Variants in RBFOX3 observed in about 807,000 individuals in gnomAD.
RBFOX3 encodes the protein RNA binding protein fox-1 homolog 3.
Under a neutral mutation model 48.7 loss-of-function variants are expected in RBFOX3, and 17 were observed. The observed-to-expected ratio is 0.35, with a 90% confidence interval of 0.24 to 0.52. The LOEUF (loss-of-function observed/expected upper bound fraction) is 0.52. RBFOX3 is among the 20% of genes least tolerant of loss of function. The probability of loss-of-function intolerance (pLI) is 0.94; values close to 1 mark genes in which losing one functional copy is unlikely to be tolerated. For missense variants in RBFOX3, 382 were observed against 497.5 expected, an observed-to-expected ratio of 0.77 and a Z score of 2.21; for synonymous variants, 212 against 209.5, an observed-to-expected ratio of 1.01 and a Z score of -0.10.
At chr17:79,126,535 T>C (rs1363278839) in intron 4 of RBFOX3, among the ~76,000 whole-genome samples, 1 of 152,186 alleles carries the variant, frequency 6.6e-6, no homozygotes, top group East Asian at 1.9e-4. Context: ...GGTGACCTCA[T>C]TACTCTGACC....
At chr17:79,156,142 A>G (rs1473250935) in intron 4 of RBFOX3, among the ~76,000 whole-genome samples, 1 of 152,116 alleles carries the variant, frequency 6.6e-6, no homozygotes, top group Non-Finnish European at 1.5e-5. Flanking sequence ...GGGAAGGAGG[A>G]TGCGCCCGCC....
chr17:79,227,213 GC>G (rs2060409842), intron 4 of RBFOX3, among the ~76,000 whole-genome samples: 1 of 152,212 alleles, frequency 6.6e-6, no homozygotes, highest in Admixed American at 6.5e-5. Context: ...GTCCCCAGAG[GC>G]GAATTCCAGC....
At chr17:79,633,695 G>C in the RBFOX3 span, among the ~76,000 whole-genome samples, 1 of 151,978 alleles carries the variant, frequency 6.6e-6, no homozygotes, top group Non-Finnish European at 1.5e-5. Context: ...TCAATAAACC[G>C]AGGGCCAGGT....
At chr17:79,353,695 C>T (rs547396339) in intron 2 of RBFOX3, among the ~76,000 whole-genome samples, 73 of 152,310 alleles carry the variant, frequency 4.8e-4, no homozygotes, top group African/African-American at 1.6e-3. Flanking sequence ...GGGCCTGGAG[C>T]TCACATGACC....
chr17:79,559,377 T>C (rs1363926951), intron 1 of RBFOX3, among the ~76,000 whole-genome samples: 6 of 148,596 alleles, frequency 4.0e-5, no homozygotes, highest in Admixed American at 1.3e-4. Flanking sequence ...GATGGATGAT[T>C]GGATGGATGG....
Position 79,391,861 on chromosome 17 carries a change from T to TAA in RBFOX3, c.-174-84039_-174-84038dup, listed in dbSNP as rs34292350. On this transcript the variant is annotated intron_variant, in intron 2 of 14. Coordinates refer to ENST00000693108, the MANE Select transcript of RBFOX3 (RefSeq NM_001350451.2). This position sits in a 1 kb window ranked among gnomAD's most constrained non-coding sequence, Gnocchi z 5.0. ...TCTGATCCTCGGTTTCCGAATCTGTTAAAAAAAAAAGGCTCCAGGCTGGAC... is the reference window on the plus strand; with the variant it reads ...TCTGATCCTCGGTTTCCGAATCTGTTAAAAAAAAAAAAGGCTCCAGGCTGGAC... Among the ~76,000 whole-genome samples, 20 of 148,014 alleles carry TAA rather than the reference T, an allele frequency of 1.4e-4. No individual in the cohort carries two copies. Among genetic ancestry groups the TAA allele is most frequent in the South Asian group, 2.1e-4 (1 of 4,678 alleles).
At chr17:79,098,349 G>A (rs992291058) in intron 9 of RBFOX3, 1 of 153,808 alleles carries the variant, frequency 6.5e-6, no homozygotes, top group African/African-American at 2.4e-5. Context: ...GAGGAGGAAA[G>A]GGCATTTGGA....
At chr17:79,399,228 C>G (rs1297112705) in intron 2 of RBFOX3, among the ~76,000 whole-genome samples, 1 of 152,184 alleles carries the variant, frequency 6.6e-6, no homozygotes, top group Non-Finnish European at 1.5e-5. Context: ...TGTTTCCAGC[C>G]ACCCAGTCCG....
intron 3 of RBFOX3, among the ~76,000 whole-genome samples, chr17:79,279,070 A>G (rs1239671286): frequency 6.6e-6 from 1 of 152,050 alleles, no homozygotes; most frequent in Non-Finnish European, 1.5e-5. Flanking sequence ...TCCAATTACT[A>G]GTGGCAGAGC....
At chr17:79,201,098 A>C (rs1465663653) in intron 4 of RBFOX3, among the ~76,000 whole-genome samples, 1 of 146,714 alleles carries the variant, frequency 6.8e-6, no homozygotes, top group East Asian at 2.0e-4. Context: ...TCTTAACAAC[A>C]ACAACGACAA....
chr17:79,594,325 G>A (rs79099468), intron 1 of RBFOX3, among the ~76,000 whole-genome samples: 15,826 of 152,218 alleles, frequency 0.1, 969 homozygotes, highest in Non-Finnish European at 0.14. Context: ...GGCACTCTGC[G>A]GGGCAGCAGG....
intron 1 of RBFOX3, among the ~76,000 whole-genome samples, chr17:79,540,440 G>A (rs2089515502): frequency 6.6e-6 from 1 of 152,236 alleles, no homozygotes. Flanking sequence ...TCCTTAAGGT[G>A]CATGGCGTCC....
intron 4 of RBFOX3, among the ~76,000 whole-genome samples, chr17:79,218,547 G>T (rs1291434718): frequency 6.6e-6 from 1 of 152,164 alleles, no homozygotes; most frequent in African/African-American, 2.4e-5. Context: ...GGGGAGTTCT[G>T]GGAGGAAGAC....
chr17:79,323,861 T>A (rs900627279), intron 2 of RBFOX3, among the ~76,000 whole-genome samples: 1 of 152,232 alleles, frequency 6.6e-6, no homozygotes. Context: ...AGACCAATTG[T>A]TTGGGCAGAT....
chr17:79,306,605 C>T (rs1406695247), intron 3 of RBFOX3, among the ~76,000 whole-genome samples: 1 of 152,218 alleles, frequency 6.6e-6, no homozygotes, highest in Admixed American at 6.5e-5. Context: ...ATCCCGAGGC[C>T]ACTTCCTCCC....
At chr17:79,533,757 G>T (rs1449559019) in intron 1 of RBFOX3, among the ~76,000 whole-genome samples, 1 of 152,200 alleles carries the variant, frequency 6.6e-6, no homozygotes, top group Non-Finnish European at 1.5e-5. Flanking sequence ...AAGATCCGTG[G>T]TATCACTTTT....
At chr17:79,140,878 C>A (rs958408230) in intron 4 of RBFOX3, among the ~76,000 whole-genome samples, 1 of 152,170 alleles carries the variant, frequency 6.6e-6, no homozygotes, top group Non-Finnish European at 1.5e-5. Context: ...GAGCCAGATG[C>A]CATGCTGAGG....
chr17:79,492,863 G>C (rs2080894353), intron 1 of RBFOX3, among the ~76,000 whole-genome samples: 11 of 152,216 alleles, frequency 7.2e-5, no homozygotes, highest in Admixed American at 7.2e-4. Flanking sequence ...CCAGGAGGCA[G>C]TGGTGGGAGA....
the RBFOX3 span, among the ~76,000 whole-genome samples, chr17:79,658,674 T>C: frequency 6.8e-6 from 1 of 146,326 alleles, no homozygotes; most frequent in African/African-American, 2.8e-5. Flanking sequence ...CCTCCTCCCC[T>C]GAGGCCAGTA....
Sources: allele counts gnomAD v4.1 joint callset (sites outside exome capture counted in the v4.1 genomes callset), GRCh38; gene constraint gnomAD v4.1.1; non-coding constraint Gnocchi (gnomAD v3.1); transcripts MANE v1.5; gene names NCBI Gene and HGNC (gene_info 2026-07-23, HGNC 2026-07-21).